GPHN: variants seen among roughly 807,000 people sequenced by gnomAD.
GPHN encodes gephyrin.
Under a neutral mutation model 95.5 loss-of-function variants are expected in GPHN, and 17 were observed. That is an observed-to-expected ratio of 0.18 (90% CI 0.12 to 0.27). GPHN has a LOEUF of 0.27. Among genes scored for constraint, GPHN ranks in the 10% least tolerant of loss-of-function variants. The probability of loss-of-function intolerance (pLI) is 1.00; values close to 1 mark genes in which losing one functional copy is unlikely to be tolerated. For synonymous variants in GPHN, 320 were observed against 322.5 expected (o/e 0.99, Z 0.08); for missense variants, 660 against 978.1 (o/e 0.67, Z 4.34).
At chr14:67,060,750 GT>G (rs2075792325) in intron 11 of GPHN, among the ~76,000 whole-genome samples, 1 of 151,856 alleles carries the variant, frequency 6.6e-6, no homozygotes, top group Non-Finnish European at 1.5e-5. Context: ...TTTCTTTACA[GT>G]TTTTTTTCTT....
chr14:66,684,758 T>C (rs1033080449), intron 2 of GPHN, among the ~76,000 whole-genome samples: 15 of 152,156 alleles, frequency 9.9e-5, no homozygotes, highest in Admixed American at 8.5e-4. Flanking sequence ...CTTTTTTTTT[T>C]TTCTTCTTAT....
At chr14:66,548,421 T>C (rs1057264541) in intron 1 of GPHN, among the ~76,000 whole-genome samples, 3 of 152,182 alleles carry the variant, frequency 2.0e-5, no homozygotes, top group African/African-American at 7.2e-5. Context: ...CCTCAGATGA[T>C]CCACCTGCCT....
chr14:67,712,202 G>GA, the GPHN span, among the ~76,000 whole-genome samples: 5 of 152,076 alleles, frequency 3.3e-5, no homozygotes, highest in African/African-American at 1.2e-4. Flanking sequence ...TTACAGGCGT[G>GA]AACCACCACA....
At chr14:66,749,922 TG>T (rs2058305600) in intron 2 of GPHN, among the ~76,000 whole-genome samples, 1 of 151,814 alleles carries the variant, frequency 6.6e-6, no homozygotes, top group Admixed American at 6.6e-5. Flanking sequence ...AGGCATACAA[TG>T]CGTAATTGTC....
At chr14:66,800,762 T>C (rs1001272734) in intron 3 of GPHN, among the ~76,000 whole-genome samples, 5 of 152,160 alleles carry the variant, frequency 3.3e-5, no homozygotes, top group African/African-American at 1.2e-4. Context: ...TTCTCTGTTA[T>C]TATCCTTTTG....
chr14:66,585,955 T>G (rs2061402323), intron 1 of GPHN, among the ~76,000 whole-genome samples: 1 of 152,188 alleles, frequency 6.6e-6, no homozygotes. Flanking sequence ...GTTAACTTTC[T>G]GTCTCGTTGA....
the GPHN span, chr14:67,569,003 C>T: frequency 4.0e-5 from 24 of 602,144 alleles, no homozygotes; most frequent in South Asian, 4.0e-5. Flanking sequence ...AGTAACTTGC[C>T]CAAGATTTGT....
chr14:67,608,811 G>A, the GPHN span, among the ~76,000 whole-genome samples: 1 of 152,208 alleles, frequency 6.6e-6, no homozygotes, highest in Non-Finnish European at 1.5e-5. Context: ...AAGGGGCAAG[G>A]CAGCTCTCTG....
chr14:67,555,699 A>G, the GPHN span: 4 of 1,381,610 alleles, frequency 2.9e-6, no homozygotes, highest in Non-Finnish European at 4.0e-6. Flanking sequence ...CTCTCGAGCC[A>G]CTTGAGATGG....
At chr14:67,110,310 G>A (rs745439713) in intron 14 of GPHN, 51 bp downstream of exon 14, 2 of 1,600,250 alleles carry the variant, frequency 1.2e-6, no homozygotes, top group Non-Finnish European at 1.7e-6. Flanking sequence ...GCAGTATTAT[G>A]TCACAACCAT....
At chr14:66,622,290 C>G (rs956935859) in intron 1 of GPHN, among the ~76,000 whole-genome samples, 2 of 152,144 alleles carry the variant, frequency 1.3e-5, no homozygotes, top group African/African-American at 4.8e-5. Context: ...AGGGCACCAC[C>G]TTTCTGGACT....
chr14:67,078,539 G>A (rs1213860438), intron 11 of GPHN, among the ~76,000 whole-genome samples: 1 of 152,114 alleles, frequency 6.6e-6, no homozygotes, highest in Non-Finnish European at 1.5e-5. Flanking sequence ...CTACCTATGG[G>A]CAAAGGGAAG....
chr14:67,568,864 C>CTGT, the GPHN span, among the ~76,000 whole-genome samples: 9 of 152,170 alleles, frequency 5.9e-5, no homozygotes, highest in Non-Finnish European at 1.3e-4. Context: ...AGAGAGGGAA[C>CTGT]TGTTGGGCAC....
chr14:66,897,197 T>C (rs1297266760), intron 5 of GPHN, among the ~76,000 whole-genome samples: 1 of 152,172 alleles, frequency 6.6e-6, no homozygotes, highest in Non-Finnish European at 1.5e-5. Context: ...ATGTTGACAT[T>C]GATAACATCA....
chr14:67,134,672 C>G (rs2079933112), intron 17 of GPHN, among the ~76,000 whole-genome samples: 1 of 152,092 alleles, frequency 6.6e-6, no homozygotes, highest in African/African-American at 2.4e-5. Context: ...TGCTGCATCA[C>G]CTTTACAAAG....
chr14:66,804,661 G>T (rs1279064308), intron 3 of GPHN, among the ~76,000 whole-genome samples: 1 of 152,150 alleles, frequency 6.6e-6, no homozygotes, highest in Non-Finnish European at 1.5e-5. Flanking sequence ...ACACAGTGGG[G>T]GTGGCTTGGT....
At chr14:67,589,784 T>G in the GPHN span, 2 of 1,088,856 alleles carry the variant, frequency 1.8e-6, no homozygotes, top group Non-Finnish European at 2.2e-6. Context: ...TGAACATGCT[T>G]AGCAATTTCC....
the GPHN span, among the ~76,000 whole-genome samples, chr14:67,233,568 ATC>A: frequency 1.8e-4 from 27 of 152,330 alleles, no homozygotes; most frequent in South Asian, 5.6e-3. Context: ...TACCTCCTAT[ATC>A]TGATCTGTAA....
At chr14:66,984,849 GT>G (rs145476167) in intron 9 of GPHN, among the ~76,000 whole-genome samples, 21 of 146,410 alleles carry the variant, frequency 1.4e-4, no homozygotes, top group East Asian at 9.9e-4. Context: ...TCACCCTGCC[GT>G]TTTTTTTTTA....
Sources: gnomAD v4.1 joint callset for allele counts (sites outside exome capture counted in the v4.1 genomes callset) on GRCh38, gnomAD v4.1.1 for gene constraint, MANE v1.5 for transcripts, NCBI Gene and HGNC (gene_info 2026-07-23, HGNC 2026-07-21) for gene names.